The following MAP1A variants were observed in gnomAD, a reference collection of about 807,000 sequenced individuals.
The protein encoded by MAP1A is microtubule associated protein 1A.
In MAP1A, 42 loss-of-function variants were observed where a neutral mutation model predicts 185.9. The observed-to-expected ratio is 0.23, with a 90% CI of 0.18 to 0.29. The LOEUF is 0.29. MAP1A is among the 10% of genes least tolerant of loss of function. The pLI, the probability that MAP1A is intolerant of heterozygous loss-of-function variation, is 1.00. For missense variants in MAP1A, 2,995 were observed against 3,450.4 expected (o/e 0.87, Z 3.31); for synonymous variants, 1,229 against 1,335.9 (o/e 0.92, Z 1.74).
rs2079340003 is a variant in MAP1A, at chr15:43,525,645, A to G, written c.4172A>G (p.Asp1391Gly). 1.2e-6 allele frequency: 2 copies of G among 1,614,108 alleles called. No homozygotes were observed. Among genetic ancestry groups the G allele is most frequent in the South Asian group, 2.2e-5 (2 of 91,092 alleles). ...AAGGATACAGCCATCTATCAGAAAGATGAGGCTCTGCATGTAAAGAATGAG... is the reference window on the plus strand; with the variant it reads ...AAGGATACAGCCATCTATCAGAAAGGTGAGGCTCTGCATGTAAAGAATGAG... ...EPKDTAIYQK[D>G]EALHVKNEAV... Residue 1391 changes from aspartate (D) to glycine (G), a missense_variant, in exon 4 of 6, where the codon GAT becomes GGT. Coordinates refer to ENST00000300231, the MANE Select transcript of MAP1A (RefSeq NM_002373.6).
At chr15:43,514,603 T>G (rs1316901151), upstream of MAP1A, among the ~76,000 whole-genome samples, 1 of 152,156 alleles carries the variant, frequency 6.6e-6, no homozygotes, top group Non-Finnish European at 1.5e-5. Flanking sequence ...CACTTATTCC[T>G]AGGCACTGCC....
At chr15:43,511,006 G>C in exon 1 of MAP1A, 1 of 1,545,538 alleles carries the variant, frequency 6.5e-7, no homozygotes, top group Non-Finnish European at 8.7e-7. Flanking sequence ...CCGAGGCCGA[G>C]CCTGCGCGGC....
intron 1 of MAP1A, among the ~76,000 whole-genome samples, chr15:43,519,786 C>A (rs1595646101): frequency 2.0e-5 from 3 of 152,202 alleles, no homozygotes; most frequent in African/African-American, 7.2e-5. Context: ...TAATGTGTTT[C>A]TTGTTCAAGA....
At position 43,523,359 on chromosome 15, in the gene MAP1A, G is replaced by A. The variant is rs555159621; in HGVS notation, c.1886G>A (p.Arg629Lys). The change falls in exon 4 of 6, where the codon AGG becomes AAG. Residue 629 changes from arginine (R) to lysine (K), a missense_variant. By Grantham distance (26) the Arg-to-Lys change is conservative. This residue lies in a region of MAP1A where 2,728 missense variants were observed against 2,986.0 expected (regional missense o/e 0.91). Transcript: ENST00000300231. ...GATACCTGGGAGGAAAAGAAGCAGA[G>A]GGAAGCAGAGAGGCTCCCAGACAGA... The part of the protein sequence containing the change: ...EKDTWEEKKQ[R>K]EAERLPDRTE... The A allele has an allele frequency of 1.2e-6, 2 of 1,610,732 alleles. No individual in the cohort carries two copies. The highest frequency in any genetic ancestry group is 2.7e-5 in the African/African-American group (2 of 74,816).
rs1363506245 is a variant in MAP1A at position 43,528,109 on chromosome 15, C to T, written c.6636C>T (p.Thr2212=). Residue 2212 remains threonine, a synonymous_variant, in exon 4 of 6, where the codon ACC becomes ACT. Coordinates refer to ENST00000300231, the MANE Select transcript of MAP1A (RefSeq NM_002373.6). ...TGGCTCCAGGACCCCCCACCAGAAC[C>T]CGGCATGATGAATACCTGGAAGTGA... ...LALAPGPPTR[T]RHDEYLEVTK... is the part of the protein sequence containing the mutation. The T allele has an allele frequency of 6.2e-7, 1 of 1,614,094 alleles. No homozygotes were observed. The highest frequency in any genetic ancestry group is 1.7e-5 in the Admixed American group (1 of 60,032).
chr15:43,521,234 TG>T lies in MAP1A; in HGVS notation c.-150-88del. ...CTGGCAGAAAGGTAAGAGTCCACCT[TG>T]GAAAGAGGTGAAGATTAGGGTACTG... On this transcript the variant is annotated intron_variant, in intron 3 of 5. Coordinates refer to ENST00000300231, the MANE Select transcript of MAP1A (RefSeq NM_002373.6). The surrounding 1 kb of genome is among the most constrained non-coding windows in gnomAD (Gnocchi z 4.6). 6.8e-7 allele frequency: 1 copy of T among 1,477,834 alleles called. No homozygotes were observed. The highest frequency in any genetic ancestry group is 8.9e-7 in the Non-Finnish European group (1 of 1,118,504). 91.5% of individuals were successfully genotyped at this position (1,477,834 alleles called of 1,614,324 possible).
chr15:43,522,833 C>T lies in MAP1A; in HGVS notation c.1360C>T (p.Pro454Ser). 1 of 1,596,704 alleles carries T rather than the reference C, an allele frequency of 6.3e-7. No homozygotes were observed. The highest frequency in any genetic ancestry group is 8.5e-7 in the Non-Finnish European group (1 of 1,170,446). Reference sequence around the variant, plus strand: ...GGAGGAGAAGAGGAAAGATACCAAACCTGAGCTCAAGAAGATTTCCAAGCC... The same window carrying T: ...GGAGGAGAAGAGGAAAGATACCAAATCTGAGCTCAAGAAGATTTCCAAGCC... ...KKEEKRKDTK[P>S]ELKKISKPDL... Residue 454 changes from proline (P) to serine (S), a missense_variant, in exon 4 of 6, where the codon CCT becomes TCT. By Grantham distance (74) the Pro-to-Ser change is moderately conservative. Around this residue, in one of 3 missense-constraint regions of MAP1A, gnomAD observed 2,728 missense variants for 2,986.0 expected, o/e 0.91. Transcript: ENST00000300231. This position sits in a 1 kb window ranked among gnomAD's most constrained non-coding sequence, Gnocchi z 5.9.
Position 43,527,569 on chromosome 15 carries a change from C to A in MAP1A, c.6096C>A (p.Thr2032=). ...SPKSLQSDTP[T]FSYAALAGPT... ...AGAGCCTCCAGTCTGACACTCCAACCTTCAGCTATGCAGCCCTGGCAGGAC... is the reference window on the plus strand; with the variant it reads ...AGAGCCTCCAGTCTGACACTCCAACATTCAGCTATGCAGCCCTGGCAGGAC... Residue 2032 remains threonine, a synonymous_variant, in exon 4 of 6, where the codon ACC becomes ACA. Coordinates refer to ENST00000300231, the MANE Select transcript of MAP1A (RefSeq NM_002373.6). 2 of 1,614,144 alleles carry A rather than the reference C, an allele frequency of 1.2e-6. No individual in the cohort carries two copies. Among genetic ancestry groups the A allele is most frequent in the Non-Finnish European group, 8.5e-7 (1 of 1,180,020 alleles).
chr15:43,526,934 C>A lies in MAP1A; in HGVS notation c.5461C>A (p.Pro1821Thr). 6.2e-7 allele frequency: 1 copy of A among 1,613,986 alleles called. No homozygotes were observed. The highest frequency in any genetic ancestry group is 8.5e-7 in the Non-Finnish European group (1 of 1,179,944). Residue 1821 changes from proline to threonine, a missense_variant, in exon 4 of 6, where the codon CCA (proline) becomes ACA (threonine). This residue lies in a region of MAP1A where 2,728 missense variants were observed against 2,986.0 expected (regional missense o/e 0.91). Transcript: ENST00000300231. The surrounding 1 kb of genome is among the most constrained non-coding windows in gnomAD (Gnocchi z 4.7). ...PSAPGQESPI[P>T]DPKLMPHMKN... ...AGCCCCAGGACAAGAGAGTCCTATC[C>A]CAGACCCTAAGCTCATGCCACACAT...
At position 43,528,552 on chromosome 15, in the gene MAP1A, A is replaced by G. The variant is rs372366457; in HGVS notation, c.7079A>G (p.Asn2360Ser). Residue 2360 changes from asparagine to serine, a missense_variant, in exon 4 of 6, where the codon AAT becomes AGT. Physicochemically the swap from Asn to Ser is conservative, Grantham distance 46. Around this residue, in one of 3 missense-constraint regions of MAP1A, gnomAD observed 2,728 missense variants for 2,986.0 expected, o/e 0.91. Transcript: ENST00000300231. The stretch of plus-strand genomic sequence containing the variant: ...GTTCCCTCTGAGGATTGTGCAGCCA[A>G]TGGCCCAACTGAAACCAGCCCTAAC... The part of the protein sequence containing the change: ...FQVPSEDCAA[N>S]GPTETSPNPP... 4 of 1,613,688 alleles carry G rather than the reference A, an allele frequency of 2.5e-6. No homozygotes were observed. Among genetic ancestry groups the G allele is most frequent in the Non-Finnish European group, 3.4e-6 (4 of 1,179,938 alleles).
chr15:43,528,045 G>A lies in MAP1A; in HGVS notation c.6572G>A (p.Cys2191Tyr). Residue 2191 changes from cysteine (C) to tyrosine (Y), a missense_variant, in exon 4 of 6, where the codon TGT (cysteine) becomes TAT (tyrosine). Around this residue, in one of 3 missense-constraint regions of MAP1A, gnomAD observed 2,728 missense variants for 2,986.0 expected, o/e 0.91. Coordinates refer to ENST00000300231, the MANE Select transcript of MAP1A (RefSeq NM_002373.6). ...CCAGCTGAACCCCGCTCGGCACCCTGTGGCTCCCTTGCCTTCTCTGGGGAT... is the reference window on the plus strand; with the variant it reads ...CCAGCTGAACCCCGCTCGGCACCCTATGGCTCCCTTGCCTTCTCTGGGGAT... ...PSPAEPRSAPCGSLAFSGDRA... is the reference protein window; with the variant it reads ...PSPAEPRSAPYGSLAFSGDRA... The A allele has an allele frequency of 6.2e-7, 1 of 1,613,936 alleles. No individual in the cohort carries two copies. Among genetic ancestry groups the A allele is most frequent in the Non-Finnish European group, 8.5e-7 (1 of 1,180,010 alleles).
Position 43,528,072 on chromosome 15 carries a change from G to A in MAP1A, c.6599G>A (p.Arg2200Gln), listed in dbSNP as rs751762371. 2.5e-6 allele frequency: 4 copies of A among 1,613,896 alleles called. No homozygotes were observed. The highest frequency in any genetic ancestry group is 1.7e-5 in the Admixed American group (1 of 60,014). ...PCGSLAFSGDRALALAPGPPT... is the reference protein window; with the variant it reads ...PCGSLAFSGDQALALAPGPPT... ...GGCTCCCTTGCCTTCTCTGGGGATC[G>A]AGCTCTGGCTCTGGCTCCAGGACCC... The change falls in exon 4 of 6, where the codon CGA becomes CAA. Residue 2200 changes from arginine (R) to glutamine (Q), a missense_variant. Around this residue, in one of 3 missense-constraint regions of MAP1A, gnomAD observed 2,728 missense variants for 2,986.0 expected, o/e 0.91. Transcript: ENST00000300231.
rs368387502 is a variant in MAP1A at position 43,522,036 on chromosome 15, C to A, written c.563C>A (p.Thr188Asn). 3.7e-6 allele frequency: 6 copies of A among 1,614,048 alleles called. No homozygotes were observed. Among genetic ancestry groups the A allele is most frequent in the African/African-American group, 1.3e-5 (1 of 74,928 alleles). ...RVVSNTIEPLTLFHKMGVGRL... is the reference protein window; with the variant it reads ...RVVSNTIEPLNLFHKMGVGRL... ...GTCAGCAATACCATTGAGCCACTGA[C>A]CCTCTTCCACAAAATGGGTGTGGGC... The change falls in exon 4 of 6, where the codon ACC becomes AAC. Residue 188 changes from threonine to asparagine, a missense_variant. By Grantham distance (65) the Thr-to-Asn change is moderately conservative (BLOSUM62 0). Around this residue, in one of 3 missense-constraint regions of MAP1A, gnomAD observed 264 missense variants for 435.3 expected, o/e 0.61. Transcript: ENST00000300231. This position sits in a 1 kb window ranked among gnomAD's most constrained non-coding sequence, Gnocchi z 5.9.
At chr15:43,530,019 CT>C in intron 5 of MAP1A, 49 bp from the exon 6 acceptor site, 1 of 1,599,984 alleles carries the variant, frequency 6.3e-7, no homozygotes, top group East Asian at 2.2e-5. Context: ...TCCCCCTCAC[CT>C]ACCTTCCCTT....
At position 43,529,199 on chromosome 15, in the gene MAP1A, G is replaced by A; in HGVS notation, c.7726G>A (p.Asp2576Asn). 1.2e-6 allele frequency: 2 copies of A among 1,610,938 alleles called. No individual in the cohort carries two copies. The highest frequency in any genetic ancestry group is 1.7e-6 in the Non-Finnish European group (2 of 1,178,620). Residue 2576 changes from aspartate to asparagine, a missense_variant, in exon 4 of 6, where the codon GAT becomes AAT. Physicochemically the swap from Asp to Asn is conservative, Grantham distance 23. Coordinates refer to ENST00000300231, the MANE Select transcript of MAP1A (RefSeq NM_002373.6). This position sits in a 1 kb window ranked among gnomAD's most constrained non-coding sequence, Gnocchi z 4.3. ...PDPRPSPPRP[D>N]VCMADPEGLS... is the part of the protein sequence containing the mutation. ...CCCCCGCCCATCCCCTCCCCGCCCT[G>A]ATGTGTGCATGGCTGACCCCGAGGG...
Position 43,528,950 on chromosome 15 carries a change from C to T in MAP1A, c.7477C>T (p.Pro2493Ser). The stretch of plus-strand genomic sequence containing the variant: ...GCCAGGGACCACTGGGGGCCCATGC[C>T]CTGTGACTGATGAGACACCCCCTAC... ...GGPGTTGGPC[P>S]VTDETPPTSA... Residue 2493 changes from proline (P) to serine (S), a missense_variant, in exon 4 of 6, where the codon CCT (proline) becomes TCT (serine). Physicochemically the swap from Pro to Ser is moderately conservative, Grantham distance 74. Around this residue, in one of 3 missense-constraint regions of MAP1A, gnomAD observed 2,728 missense variants for 2,986.0 expected, o/e 0.91. Coordinates refer to ENST00000300231, the MANE Select transcript of MAP1A (RefSeq NM_002373.6). The T allele has an allele frequency of 6.2e-7, 1 of 1,613,200 alleles. No individual in the cohort carries two copies. Among genetic ancestry groups the T allele is most frequent in the Non-Finnish European group, 8.5e-7 (1 of 1,179,972 alleles).
In MAP1A at chr15:43,524,677, G is replaced by T; in HGVS notation, c.3204G>T (p.Arg1068Ser). 15 of 1,614,080 alleles carry T rather than the reference G, an allele frequency of 9.3e-6. No individual in the cohort carries two copies. Among genetic ancestry groups the T allele is most frequent in the Non-Finnish European group, 1.1e-5 (13 of 1,180,008 alleles). The part of the protein sequence containing the change: ...LEKEEKVPPP[R>S]SPQAQEAPVN... ...AGGAAGAGAAAGTTCCTCCTCCCAG[G>T]AGCCCCCAGGCCCAGGAAGCACCTG... is the stretch of plus-strand genomic sequence containing the variant. Residue 1068 changes from arginine (R) to serine (S), a missense_variant, in exon 4 of 6, where the codon AGG (arginine) becomes AGT (serine). This residue lies in a region of MAP1A where 2,728 missense variants were observed against 2,986.0 expected (regional missense o/e 0.91). Transcript: ENST00000300231.
chr15:43,529,355 C>G lies in MAP1A; in HGVS notation c.7882C>G (p.Arg2628Gly), dbSNP rs776917730. Residue 2628 changes from arginine (R) to glycine (G), a missense_variant, in exon 4 of 6, where the codon CGC (arginine) becomes GGC (glycine). Transcript: ENST00000300231. The surrounding 1 kb of genome is among the most constrained non-coding windows in gnomAD (Gnocchi z 4.3). Reference sequence around the variant, plus strand: ...ACGGCGTCTGGATCTTCGGGGAAAACGCTCACCCACCCCTGGTAAAGGGCC... The same window carrying G: ...ACGGCGTCTGGATCTTCGGGGAAAAGGCTCACCCACCCCTGGTAAAGGGCC... ...PARRLDLRGK[R>G]SPTPGKGPAD... The G allele has an allele frequency of 6.2e-7, 1 of 1,614,008 alleles. No homozygotes were observed. Among genetic ancestry groups the G allele is most frequent in the Non-Finnish European group, 8.5e-7 (1 of 1,180,024 alleles).
At chr15:43,512,273 T>C in exon 2 of MAP1A, 1 of 1,545,084 alleles carries the variant, frequency 6.5e-7, no homozygotes, top group Non-Finnish European at 8.8e-7. Flanking sequence ...CCTAGCTCAC[T>C]TCTCCTCAGA....
Sources: gnomAD v4.1 joint callset for allele counts (sites outside exome capture counted in the v4.1 genomes callset) on GRCh38, gnomAD v4.1.1 for gene constraint, gnomAD v4.1.1 regional missense constraint, Gnocchi (gnomAD v3.1) non-coding constraint, MANE v1.5 for transcripts, NCBI Gene and HGNC (gene_info 2026-07-23, HGNC 2026-07-21) for gene names.